Variants in RHBDD1 observed in about 807,000 individuals in gnomAD.
RHBDD1 encodes rhomboid-related protein 4.
In RHBDD1, 38 loss-of-function variants were observed where a neutral mutation model predicts 36.3. The ratio of observed to expected loss-of-function variants is 1.05; its 90% CI spans 0.81 to 1.37. The LOEUF (loss-of-function observed/expected upper bound fraction) is 1.37, where lower values mean the gene tolerates loss of function less well. RHBDD1 is among the 40% of genes most tolerant of loss of function. The probability of loss-of-function intolerance (pLI) is 0.00; values close to 1 mark genes in which losing one functional copy is unlikely to be tolerated. For missense variants in RHBDD1, 393 were observed against 377.6 expected (o/e 1.04, Z -0.34); for synonymous variants, 151 against 136.5 (o/e 1.11, Z -0.74).
intron 8 of RHBDD1, among the ~76,000 whole-genome samples, chr2:226,918,173 A>AT (rs932059774): frequency 1.3e-5 from 2 of 151,754 alleles, no homozygotes; most frequent in African/African-American, 2.4e-5. Flanking sequence ...CACTACATTT[A>AT]TTTTTTTTAA....
At chr2:226,979,529 G>A (rs909053736) in intron 8 of RHBDD1, among the ~76,000 whole-genome samples, 4 of 152,096 alleles carry the variant, frequency 2.6e-5, no homozygotes, top group African/African-American at 9.7e-5. Context: ...TTCTCTAGGA[G>A]CCCGTTTTAC....
chr2:226,885,087 A>C (rs188011631), intron 5 of RHBDD1, among the ~76,000 whole-genome samples: 46 of 152,262 alleles, frequency 3.0e-4, no homozygotes, highest in Admixed American at 1.0e-3. Flanking sequence ...TAAAAGCTTT[A>C]GTTTTGTTTG....
At chr2:226,886,434 G>A (rs1423938057) in intron 5 of RHBDD1, among the ~76,000 whole-genome samples, 6 of 152,150 alleles carry the variant, frequency 3.9e-5, no homozygotes, top group Non-Finnish European at 8.8e-5. Flanking sequence ...AGAAGGCAAA[G>A]TGTGGGATTC....
intron 8 of RHBDD1, among the ~76,000 whole-genome samples, chr2:226,984,716 G>A (rs1427170503): frequency 6.6e-6 from 1 of 152,170 alleles, no homozygotes; most frequent in African/African-American, 2.4e-5. Context: ...GACTTTTGCA[G>A]ATTCCTAGAA....
At chr2:226,968,519 A>T (rs1298305814) in intron 8 of RHBDD1, among the ~76,000 whole-genome samples, 1 of 152,190 alleles carries the variant, frequency 6.6e-6, no homozygotes, top group Non-Finnish European at 1.5e-5. Flanking sequence ...CTGATTATGG[A>T]CTTTAATCAC....
intron 5 of RHBDD1, among the ~76,000 whole-genome samples, chr2:226,882,430 C>CA (rs58149634): frequency 0.055 from 3,120 of 56,492 alleles, 157 homozygotes; most frequent in Middle Eastern, 0.086. Context: ...GACTTTGCCT[C>CA]AAAAAAAAAA....
intron 8 of RHBDD1, among the ~76,000 whole-genome samples, chr2:226,928,248 G>T (rs1051113865): frequency 6.6e-6 from 1 of 151,982 alleles, no homozygotes; most frequent in African/African-American, 2.4e-5. Context: ...AATTGAATAT[G>T]TTTACATCAG....
At chr2:226,892,174 T>C (rs1210231894) in intron 5 of RHBDD1, among the ~76,000 whole-genome samples, 1 of 152,244 alleles carries the variant, frequency 6.6e-6, no homozygotes, top group East Asian at 1.9e-4. Context: ...AGCATTTCTA[T>C]GCTGTTTGTT....
At chr2:226,918,378 G>A (rs1949068119) in intron 8 of RHBDD1, among the ~76,000 whole-genome samples, 1 of 151,466 alleles carries the variant, frequency 6.6e-6, no homozygotes, top group African/African-American at 2.4e-5. Context: ...AAAAATTGTT[G>A]ACTCTCATCA....
chr2:226,913,570 C>T (rs1948673787), intron 7 of RHBDD1, among the ~76,000 whole-genome samples: 1 of 152,146 alleles, frequency 6.6e-6, no homozygotes, highest in Non-Finnish European at 1.5e-5. Context: ...GTACCTAAAG[C>T]ATTATTTAAT....
intron 8 of RHBDD1, among the ~76,000 whole-genome samples, chr2:226,938,099 C>A (rs1232279591): frequency 6.6e-6 from 1 of 152,062 alleles, no homozygotes; most frequent in East Asian, 1.9e-4. Context: ...ATCTCGCCGG[C>A]AGCTGTTATT....
intron 5 of RHBDD1, among the ~76,000 whole-genome samples, chr2:226,904,414 C>CGGGG (rs1294372074): frequency 2.1e-5 from 1 of 46,600 alleles, no homozygotes; most frequent in African/African-American, 9.5e-5. Flanking sequence ...ATCCTGCAAG[C>CGGGG]GGGGGGGGAG....
chr2:226,823,822 G>C, the RHBDD1 span, among the ~76,000 whole-genome samples: 1 of 152,130 alleles, frequency 6.6e-6, no homozygotes, highest in African/African-American at 2.4e-5. Flanking sequence ...CCTTCGTGCT[G>C]GATCATAAAT....
chr2:226,825,084 A>T, the RHBDD1 span, among the ~76,000 whole-genome samples: 1 of 152,192 alleles, frequency 6.6e-6, no homozygotes, highest in Non-Finnish European at 1.5e-5. Context: ...CTCCTTTTCT[A>T]AAAGTTCATT....
chr2:226,967,562 A>G (rs1216026468), intron 8 of RHBDD1, among the ~76,000 whole-genome samples: 1 of 123,090 alleles, frequency 8.1e-6, no homozygotes, highest in African/African-American at 3.2e-5. Flanking sequence ...AACTTTCTGC[A>G]TGTGATGGCT....
intron 8 of RHBDD1, among the ~76,000 whole-genome samples, chr2:226,973,542 A>G (rs1384291979): frequency 6.6e-6 from 1 of 152,242 alleles, no homozygotes; most frequent in African/African-American, 2.4e-5. Context: ...GGAGTAGTTC[A>G]TAAAATGATT....
At chr2:226,954,311 G>T (rs1019991025) in intron 8 of RHBDD1, among the ~76,000 whole-genome samples, 3 of 152,118 alleles carry the variant, frequency 2.0e-5, no homozygotes, top group Non-Finnish European at 4.4e-5. Context: ...ATATTTCTTA[G>T]ACCATAGGTT....
At chr2:226,949,950 A>G (rs2149212930) in intron 8 of RHBDD1, among the ~76,000 whole-genome samples, 1 of 152,312 alleles carries the variant, frequency 6.6e-6, no homozygotes, top group South Asian at 2.1e-4. Flanking sequence ...TAGTTGATCA[A>G]AATTGTATCT....
At chr2:226,873,154 G>A (rs993700069) in intron 5 of RHBDD1, among the ~76,000 whole-genome samples, 2 of 152,168 alleles carry the variant, frequency 1.3e-5, no homozygotes, top group Admixed American at 1.3e-4. Context: ...TATCATCCTG[G>A]TTACAAATGC....
Sources: gnomAD v4.1 joint callset for allele counts (sites outside exome capture counted in the v4.1 genomes callset) on GRCh38, gnomAD v4.1.1 for gene constraint, MANE v1.5 for transcripts, NCBI Gene and HGNC (gene_info 2026-07-23, HGNC 2026-07-21) for gene names.